The following HTT variants were observed in gnomAD, a reference collection of about 807,000 sequenced individuals.
HTT encodes huntington disease protein.
HTT carries 104 observed loss-of-function variants against 362.3 expected under a neutral mutation model. The ratio of observed to expected loss-of-function variants is 0.29; its 90% CI spans 0.24 to 0.34. The LOEUF (loss-of-function observed/expected upper bound fraction) is 0.34. Ranked by LOEUF, HTT falls within the 10% of genes least tolerant of loss-of-function variation. The pLI is 1.00. For missense variants in HTT, 3,301 were observed against 3,928.6 expected, an observed-to-expected ratio of 0.84 and a Z score of 4.27; for synonymous variants, 1,577 against 1,548.7, an observed-to-expected ratio of 1.02 and a Z score of -0.43.
At chr4:3,079,403 T>C (rs1560537690) in intron 1 of HTT, among the ~76,000 whole-genome samples, 1 of 152,066 alleles carries the variant, frequency 6.6e-6, no homozygotes, top group Non-Finnish European at 1.5e-5. Context: ...ACTATAGGTG[T>C]GAGCCATCAC....
At position 3,127,368 on chromosome 4, in the gene HTT, C is replaced by A. The variant is rs1195018436; in HGVS notation, c.1507C>A (p.His503Asn). 6.2e-7 allele frequency: 1 copy of A among 1,614,162 alleles called. No individual in the cohort carries two copies. The highest frequency in any genetic ancestry group is 1.7e-5 in the Admixed American group (1 of 60,024). The part of the protein sequence containing the change: ...DIITEQPRSQ[H>N]TLQADSVDLA... The stretch of plus-strand genomic sequence containing the variant: ...CATCACAGAACAGCCACGGTCACAG[C>A]ACACACTGCAGGCGGACTCAGTGGA... The change falls in exon 12 of 67, where the codon CAC becomes AAC. Residue 503 changes from histidine (H) to asparagine (N), a missense_variant. Physicochemically the swap from His to Asn is moderately conservative, Grantham distance 68. Transcript: ENST00000355072.
intron 29 of HTT, among the ~76,000 whole-genome samples, chr4:3,167,312 C>T (rs1717767038): frequency 6.6e-6 from 1 of 152,078 alleles, no homozygotes; most frequent in African/African-American, 2.4e-5. Flanking sequence ...ACCTTGTGAT[C>T]CACCCACCTC....
At chr4:3,222,811 G>T (rs1339252527) in intron 54 of HTT, among the ~76,000 whole-genome samples, 1 of 152,084 alleles carries the variant, frequency 6.6e-6, no homozygotes, top group African/African-American at 2.4e-5. Flanking sequence ...AAATGAAAAG[G>T]CACTTTATAA....
At chr4:3,146,584 T>C (rs1269076563) in intron 24 of HTT, among the ~76,000 whole-genome samples, 1 of 152,196 alleles carries the variant, frequency 6.6e-6, no homozygotes, top group Non-Finnish European at 1.5e-5. Context: ...CCCAATACTT[T>C]CATTCAGATC....
chr4:3,189,919 G>A (rs1718935700), intron 40 of HTT, among the ~76,000 whole-genome samples: 1 of 152,162 alleles, frequency 6.6e-6, no homozygotes, highest in African/African-American at 2.4e-5. Flanking sequence ...AGGAGACTGA[G>A]GCTGGAGGAT....
intron 52 of HTT, 71 bp from the exon 53 acceptor site, chr4:3,220,111 C>G (rs1720605553): frequency 6.4e-7 from 1 of 1,569,966 alleles, no homozygotes; most frequent in African/African-American, 1.4e-5. Flanking sequence ...AGAAGTCGGG[C>G]TTCCTGCTTC....
At position 3,214,090 on chromosome 4, in the gene HTT, C is replaced by T. The variant is rs1170103249; in HGVS notation, c.6907C>T (p.His2303Tyr). 1 of 1,595,400 alleles carries T rather than the reference C, an allele frequency of 6.3e-7. No homozygotes were observed. The highest frequency in any genetic ancestry group is 8.6e-7 in the Non-Finnish European group (1 of 1,168,856). Residue 2303 changes from histidine (H) to tyrosine (Y), a missense_variant, in exon 50 of 67, where the codon CAC (histidine) becomes TAC (tyrosine). Physicochemically the swap from His to Tyr is moderately conservative, Grantham distance 83 (BLOSUM62 2). Transcript: ENST00000355072. ...SVVSSTEFVTHACSLIYCVHF... is the reference protein window; with the variant it reads ...SVVSSTEFVTYACSLIYCVHF... ...GGTCTCCTCCACAGAGTTTGTGACC[C>T]ACGCCTGCTCCCTCATCTACTGTGT...
At chr4:3,124,081 A>G (rs1335797176) in intron 10 of HTT, among the ~76,000 whole-genome samples, 1 of 152,238 alleles carries the variant, frequency 6.6e-6, no homozygotes, top group Non-Finnish European at 1.5e-5. Context: ...CTTGGAATCT[A>G]TAATATTTGC....
chr4:3,181,882 C>T (rs992520540), intron 36 of HTT, among the ~76,000 whole-genome samples: 1 of 152,152 alleles, frequency 6.6e-6, no homozygotes, highest in Non-Finnish European at 1.5e-5. Flanking sequence ...TAAACTTGTG[C>T]TCAACCATGT....
In HTT at chr4:3,074,935, A is replaced by C. The variant is rs61792465; in HGVS notation, c.110A>C (p.Gln37Pro). Residue 37 changes from glutamine to proline, a missense_variant, in exon 1 of 67, where the codon CAA becomes CCA. This residue lies in a region of HTT where 2,316 missense variants were observed against 2,658.5 expected (regional missense o/e 0.87). Coordinates refer to ENST00000355072, the MANE Select transcript of HTT (RefSeq NM_001388492.1). ...QQQQQQQQQQ[Q>P]QPPPPPPPPP... ...CAGCAGCAGCAGCAGCAGCAGCAGC[A>C]ACAGCCGCCACCGCCGCCGCCGCCG... 0.07 allele frequency: 85,082 copies of C among 1,217,612 alleles called. 7,130 individuals are homozygous for C. The highest frequency in any genetic ancestry group is 0.23 in the East Asian group (6,472 of 28,274). 75.4% of individuals were successfully genotyped at this position (1,217,612 alleles called of 1,614,324 possible).
intron 10 of HTT, among the ~76,000 whole-genome samples, chr4:3,125,033 T>C (rs942993298): frequency 6.6e-6 from 1 of 152,210 alleles, no homozygotes; most frequent in African/African-American, 2.4e-5. Flanking sequence ...GAAATATTAT[T>C]TCATCCTTCC....
chr4:3,116,453 A>G (rs1715033217), intron 8 of HTT, among the ~76,000 whole-genome samples, 190 bp downstream of exon 8: 1 of 152,034 alleles, frequency 6.6e-6, no homozygotes, highest in Non-Finnish European at 1.5e-5. Flanking sequence ...CCGTGAGTCA[A>G]ATGCGGGTGA....
chr4:3,198,522 G>A lies in HTT; in HGVS notation c.5369-1210G>A, dbSNP rs1719374542. Among the ~76,000 whole-genome samples, 4 of 152,188 alleles carry A rather than the reference G, an allele frequency of 2.6e-5. No individual in the cohort carries two copies. In the South Asian group the frequency reaches 8.3e-4, roughly 32 times the overall value. On this transcript the variant is annotated intron_variant, in intron 40 of 66. Transcript: ENST00000355072. ...TTATAGGCGTGAGCCACCACACCCG[G>A]CCTGAAATTTAAATCAGAAATAAAA...
chr4:3,115,232 A>T, intron 6 of HTT, 72 bp from the exon 7 acceptor site: 1 of 1,427,038 alleles, frequency 7.0e-7, no homozygotes, highest in Non-Finnish European at 9.7e-7. Context: ...AATTCACGTT[A>T]AGTTTTATGT....
intron 21 of HTT, among the ~76,000 whole-genome samples, chr4:3,138,157 T>G (rs1488276678): frequency 7.5e-6 from 1 of 132,626 alleles, no homozygotes; most frequent in Non-Finnish European, 1.6e-5. Flanking sequence ...TCCCTTTCCC[T>G]TCCCCTTTTC....
At chr4:3,100,606 C>T (rs904294799) in intron 3 of HTT, among the ~76,000 whole-genome samples, 6 of 152,326 alleles carry the variant, frequency 3.9e-5, no homozygotes, top group Non-Finnish European at 2.9e-5. Context: ...CCTTGTTCTC[C>T]GTGCCTGCTG....
At chr4:3,078,773 C>T (rs1003508487) in intron 1 of HTT, among the ~76,000 whole-genome samples, 7 of 150,268 alleles carry the variant, frequency 4.7e-5, no homozygotes, top group East Asian at 3.9e-4. Context: ...CTTGCTCTGT[C>T]GCCCAGGCTG....
chr4:3,086,906 A>G, intron 1 of HTT, 33 bp from the exon 2 acceptor site: 1 of 1,235,924 alleles, frequency 8.1e-7, no homozygotes, highest in Non-Finnish European at 1.2e-6. Flanking sequence ...GTAATTCAAC[A>G]CATATTAATT....
intron 29 of HTT, 131 bp downstream of exon 29, chr4:3,160,523 T>A (rs1717389060): frequency 1.5e-6 from 1 of 674,116 alleles, no homozygotes; most frequent in African/African-American, 1.8e-5. Context: ...CCCCACGTGC[T>A]TGCGTCACAG....
Sources: gnomAD v4.1 joint callset for allele counts (sites outside exome capture counted in the v4.1 genomes callset) on GRCh38, gnomAD v4.1.1 for gene constraint, gnomAD v4.1.1 regional missense constraint, MANE v1.5 for transcripts, NCBI Gene and HGNC (gene_info 2026-07-23, HGNC 2026-07-21) for gene names.